SELENOS: variants seen among roughly 807,000 people sequenced by gnomAD.
SELENOS encodes selenoprotein S.
SELENOS carries 37 observed loss-of-function variants against 30.2 expected under a neutral mutation model. The observed-to-expected ratio is 1.23, with a 90% CI of 0.94 to 1.61. The LOEUF (loss-of-function observed/expected upper bound fraction) is 1.61, where lower values mean the gene tolerates loss of function less well. Among genes scored for constraint, SELENOS ranks in the 40% most tolerant of loss-of-function variants. The pLI is 0.00. For synonymous variants in SELENOS, 119 were observed against 91.6 expected, an observed-to-expected ratio of 1.30 and a Z score of -1.71; for missense variants, 289 against 231.8, an observed-to-expected ratio of 1.25 and a Z score of -1.60.
At chr15:101,277,299 G>A in intron 1 of SELENOS, 43 bp downstream of exon 1, 3 of 1,508,952 alleles carry the variant, frequency 2.0e-6, no homozygotes, top group South Asian at 1.2e-5. Flanking sequence ...GCTGCGCGTC[G>A]CAAAAGTGGC....
chr15:101,275,935 GAAAGA>G (rs2039321182), intron 2 of SELENOS, among the ~76,000 whole-genome samples: 1 of 140,846 alleles, frequency 7.1e-6, no homozygotes, highest in African/African-American at 2.7e-5. Context: ...AAAAAAAAAA[GAAAGA>G]AAAGACAGTC....
Position 101,274,149 on chromosome 15 carries a change from C to G in SELENOS, c.484+271G>C. On this transcript the variant is annotated intron_variant, in intron 5 of 5. Transcript: ENST00000526049. ...TGTGTTCCAGCTCCTTGACACTCAT[C>G]TGAAGATTGGCAGACAATTCCTCAC... is the stretch of plus-strand genomic sequence containing the variant. 3 of 520,542 alleles carry G rather than the reference C, an allele frequency of 5.8e-6. No homozygotes were observed. The South Asian group carries it at 6.9e-5, about 12-fold the overall frequency. The allele number at this position is 520,542 out of a possible 1,614,324, so 32.2% of individuals were successfully genotyped here.
chr15:101,277,125 A>C (rs762755098), intron 1 of SELENOS: 7 of 832,964 alleles, frequency 8.4e-6, no homozygotes, highest in Non-Finnish European at 1.4e-5. Flanking sequence ...AGACTTGCGC[A>C]AACAAGGGAC....
chr15:101,277,366 C>T lies in SELENOS; in HGVS notation c.52G>A (p.Gly18Arg). 6.6e-7 allele frequency: 1 copy of T among 1,513,696 alleles called. No individual in the cohort carries two copies. Among genetic ancestry groups the T allele is most frequent in the African/African-American group, 1.4e-5 (1 of 69,588 alleles). The allele number at this position is 1,513,696 out of a possible 1,614,324, so 93.8% of individuals were successfully genotyped here. A position where few individuals can be genotyped will look rare whatever the true frequency, so the allele number is the denominator to read the frequency against. ...LSARPALETE[G>R]LRFLHTTVGS... Reference sequence around the variant, plus strand: ...CCCGTGGTGTGCAGGAAGCGCAGCCCCTCGGTCTCCAGGGCCGGCCGCGCG... The same window carrying T: ...CCCGTGGTGTGCAGGAAGCGCAGCCTCTCGGTCTCCAGGGCCGGCCGCGCG... Residue 18 changes from glycine to arginine, a missense_variant, in exon 1 of 6, where the codon GGG (glycine) becomes AGG (arginine). Physicochemically the swap from Gly to Arg is moderately radical, Grantham distance 125. Transcript: ENST00000526049.
intron 2 of SELENOS, 127 bp downstream of exon 2, chr15:101,276,414 A>ATT (rs57981941): frequency 7.9e-4 from 771 of 971,854 alleles, no homozygotes; most frequent in African/African-American, 4.6e-3. Context: ...ACTCCCGGCT[A>ATT]TTTTTTTTTT....
At chr15:101,273,419 A>T (rs572959446) in intron 5 of SELENOS, among the ~76,000 whole-genome samples, 1 of 152,278 alleles carries the variant, frequency 6.6e-6, no homozygotes, top group African/African-American at 2.4e-5. Flanking sequence ...CCTTACTTAT[A>T]GTGGAATCTT....
intron 1 of SELENOS, 140 bp from the exon 2 acceptor site, chr15:101,276,815 T>C (rs1471041248): frequency 1.0e-6 from 1 of 979,622 alleles, no homozygotes; most frequent in African/African-American, 1.6e-5. Flanking sequence ...CCTAAGTAGA[T>C]CGTTAAAACA....
Position 101,272,684 on chromosome 15 carries a change from A to T in SELENOS, c.*87T>A. 7.4e-7 allele frequency: 1 copy of T among 1,359,192 alleles called. No individual in the cohort carries two copies. Among genetic ancestry groups the T allele is most frequent in the Non-Finnish European group, 1.0e-6 (1 of 973,912 alleles). 84.2% of individuals were successfully genotyped at this position (1,359,192 alleles called of 1,614,324 possible). A position where few individuals can be genotyped will look rare whatever the true frequency, so the allele number is the denominator to read the frequency against. ...AAATCAACCCCACCTCCCCTTGGCT[A>T]GTCACTGTGAAAAGCGTGCGTAAGG... On this transcript the variant is annotated 3_prime_UTR_variant, in exon 6 of 6. Coordinates refer to ENST00000526049, the MANE Select transcript of SELENOS (RefSeq NM_018445.6).
At position 101,276,595 on chromosome 15, in the gene SELENOS, C is replaced by T; in HGVS notation, c.157G>A (p.Ala53Thr). The change falls in exon 2 of 6, where the codon GCC (alanine) becomes ACC (threonine). Residue 53 changes from alanine (A) to threonine (T), a missense_variant. Physicochemically the swap from Ala to Thr is moderately conservative, Grantham distance 58. Coordinates refer to ENST00000526049, the MANE Select transcript of SELENOS (RefSeq NM_018445.6). ...LLYVVFQKLS[A>T]RLRALRQRQL... ...CTCTGCCTCAAGGCTCTTAGCCGGG[C>T]GGAAAGCTTCTGAAAGACCACGTAG... 1.9e-6 allele frequency: 3 copies of T among 1,613,750 alleles called. No homozygotes were observed. Among genetic ancestry groups the T allele is most frequent in the Middle Eastern group, 1.7e-4 (1 of 6,058 alleles).
chr15:101,276,436 G>T, intron 2 of SELENOS, 105 bp downstream of exon 2: 3 of 1,314,890 alleles, frequency 2.3e-6, no homozygotes, highest in Non-Finnish European at 3.0e-6. Context: ...TTTAAATAGA[G>T]ACAGGGTCTT....
chr15:101,271,975 A>G (rs1466175411), downstream of SELENOS, among the ~76,000 whole-genome samples: 1 of 152,220 alleles, frequency 6.6e-6, no homozygotes, highest in Non-Finnish European at 1.5e-5. Context: ...GCGTAAGGGA[A>G]TAACTGAGAG....
chr15:101,271,938 G>A (rs777463959), downstream of SELENOS, among the ~76,000 whole-genome samples: 33 of 152,208 alleles, frequency 2.2e-4, no homozygotes, highest in Non-Finnish European at 4.7e-4. Flanking sequence ...TAGTGCCTCT[G>A]GACAAGAGCG....
chr15:101,277,122 C>T (rs757060711), intron 1 of SELENOS: 204 of 818,720 alleles, frequency 2.5e-4, no homozygotes, highest in Non-Finnish European at 3.9e-4. Flanking sequence ...AAAAGACTTG[C>T]GCAAACAAGG....
chr15:101,274,272 T>C, intron 5 of SELENOS, 148 bp downstream of exon 5: 1 of 891,790 alleles, frequency 1.1e-6, no homozygotes, highest in Non-Finnish European at 1.8e-6. Context: ...AGGAGGTGAT[T>C]TGCATCTGTT....
At chr15:101,276,911 G>A in intron 1 of SELENOS, 1 of 551,646 alleles carries the variant, frequency 1.8e-6, no homozygotes, top group Non-Finnish European at 3.2e-6. Context: ...TTAGAGTGTG[G>A]AGGGCACAGC....
intron 1 of SELENOS, 43 bp downstream of exon 1, chr15:101,277,299 G>T (rs745575033): frequency 4.0e-6 from 6 of 1,508,954 alleles, no homozygotes; most frequent in Middle Eastern, 3.5e-4. Context: ...GCTGCGCGTC[G>T]CAAAAGTGGC....
intron 5 of SELENOS, among the ~76,000 whole-genome samples, 172 bp from the exon 6 acceptor site, chr15:101,273,028 T>C (rs1377450209): frequency 6.6e-6 from 1 of 151,954 alleles, no homozygotes. Flanking sequence ...AAAACCTTTA[T>C]ATTGTGATTG....
downstream of SELENOS, chr15:101,270,834 C>CTA (rs1440873308): frequency 6.6e-6 from 1 of 152,146 alleles, no homozygotes; most frequent in Non-Finnish European, 1.5e-5. Context: ...TCTTCAAATG[C>CTA]TATTACACAA....
chr15:101,272,631 T>A lies in SELENOS; in HGVS notation c.*140A>T, dbSNP rs1299823908. The A allele has an allele frequency of 9.9e-6, 8 of 808,296 alleles. No homozygotes were observed. Among genetic ancestry groups the A allele is most frequent in the Non-Finnish European group, 1.6e-5 (8 of 500,260 alleles). The allele number at this position is 808,296 out of a possible 1,614,324, so 50.1% of individuals were successfully genotyped here. A position where few individuals can be genotyped will look rare whatever the true frequency, so the allele number is the denominator to read the frequency against. On this transcript the variant is annotated 3_prime_UTR_variant, in exon 6 of 6. Transcript: ENST00000526049. ...CTATACCTTTTGCTGACTGGAGCCCTGACATATGCAGGTGTAGTTAGGAAC... is the reference window on the plus strand; with the variant it reads ...CTATACCTTTTGCTGACTGGAGCCCAGACATATGCAGGTGTAGTTAGGAAC...
Sources: gnomAD v4.1 joint callset for allele counts (sites outside exome capture counted in the v4.1 genomes callset) on GRCh38, gnomAD v4.1.1 for gene constraint, MANE v1.5 for transcripts, NCBI Gene and HGNC (gene_info 2026-07-23, HGNC 2026-07-21) for gene names.